ZDHHC14: variants seen among roughly 807,000 people sequenced by gnomAD.
The protein encoded by ZDHHC14 is zDHHC palmitoyltransferase 14, also known as palmitoyltransferase ZDHHC14.
Under a neutral mutation model 47.7 loss-of-function variants are expected in ZDHHC14, and 16 were observed. The ratio of observed to expected loss-of-function variants is 0.34; its 90% CI spans 0.23 to 0.51. The LOEUF (loss-of-function observed/expected upper bound fraction) is 0.51, where lower values mean the gene tolerates loss of function less well. ZDHHC14 is among the 20% of genes least tolerant of loss of function. The pLI, the probability that ZDHHC14 is intolerant of heterozygous loss-of-function variation, is 0.97. For missense variants in ZDHHC14, 515 were observed against 662.5 expected (o/e 0.78, Z 2.44); for synonymous variants, 293 against 278.9 (o/e 1.05, Z -0.50).
At chr6:157,654,740 C>CT (rs11376227) in intron 8 of ZDHHC14, among the ~76,000 whole-genome samples, 35,191 of 145,748 alleles carry the variant, frequency 0.24, 5,193 homozygotes, top group East Asian at 0.54. Flanking sequence ...TTTTCTCTCT[C>CT]TTTTTTTTTT....
chr6:157,646,311 A>T (rs1777550846), intron 6 of ZDHHC14: 1 of 152,518 alleles, frequency 6.6e-6, no homozygotes, highest in Non-Finnish European at 1.5e-5. Flanking sequence ...ATGGAGAGGA[A>T]GTATGAAAAT....
chr6:157,556,652 A>G lies in ZDHHC14; in HGVS notation c.406+13907A>G, dbSNP rs183757913. Among the ~76,000 whole-genome samples, 121 of 152,356 alleles carry G rather than the reference A, an allele frequency of 7.9e-4. 2 individuals carry two copies. Among genetic ancestry groups the G allele is most frequent in the African/African-American group, 2.8e-3 (116 of 41,584 alleles). ...ATTGACAGCACAGTCAGGAGCACGT[A>G]CAGAGTGAGACTGAACAAGAAAGCC... On this transcript the variant is annotated intron_variant, in intron 2 of 8. Transcript: ENST00000359775.
At position 157,586,488 on chromosome 6, in the gene ZDHHC14, A is replaced by T. The variant is rs1783701695; in HGVS notation, c.407-6500A>T. 6.6e-6 allele frequency among the ~76,000 whole-genome samples: 1 copy of T among 152,192 alleles called. No homozygotes were observed. The highest frequency in any genetic ancestry group is 2.1e-4 in the South Asian group (1 of 4,828). On this transcript the variant is annotated intron_variant, in intron 2 of 8. Coordinates refer to ENST00000359775, the MANE Select transcript of ZDHHC14 (RefSeq NM_024630.3). This position sits in a 1 kb window ranked among gnomAD's most constrained non-coding sequence, Gnocchi z 4.6. Reference sequence around the variant, plus strand: ...GCATAGGCTCCATGGAAGATCGTGCAAGGAGAGAGAAGGTTCATGGATTGT... The same window carrying T: ...GCATAGGCTCCATGGAAGATCGTGCTAGGAGAGAGAAGGTTCATGGATTGT...
intron 3 of ZDHHC14, among the ~76,000 whole-genome samples, chr6:157,620,362 A>G (rs189902250): frequency 6.9e-4 from 105 of 152,238 alleles, no homozygotes; most frequent in African/African-American, 2.5e-3. Context: ...ATTACCTCTC[A>G]ATTACCATAG....
chr6:157,659,699 C>T (rs1271257129), intron 8 of ZDHHC14, among the ~76,000 whole-genome samples: 2 of 152,250 alleles, frequency 1.3e-5, no homozygotes, highest in Non-Finnish European at 2.9e-5. Flanking sequence ...CCCTCTGCGC[C>T]TTGGAAAGCC....
chr6:157,632,781 C>G, intron 4 of ZDHHC14, 53 bp from the exon 5 acceptor site: 1 of 1,547,734 alleles, frequency 6.5e-7, no homozygotes, highest in Admixed American at 1.7e-5. Context: ...AGAGAGCATT[C>G]AGCATGAAGG....
chr6:157,661,376 A>G (rs1778337059), intron 8 of ZDHHC14, among the ~76,000 whole-genome samples: 1 of 152,188 alleles, frequency 6.6e-6, no homozygotes, highest in South Asian at 2.1e-4. Context: ...TACTAATCCA[A>G]TTTCATCTTA....
chr6:157,612,700 C>G (rs947970804), intron 3 of ZDHHC14, among the ~76,000 whole-genome samples: 2 of 152,166 alleles, frequency 1.3e-5, no homozygotes, highest in African/African-American at 4.8e-5. Flanking sequence ...TACTGTATTC[C>G]CAGCAGCCAA....
chr6:157,478,808 A>G (rs1365505132), intron 1 of ZDHHC14, among the ~76,000 whole-genome samples: 1 of 152,226 alleles, frequency 6.6e-6, no homozygotes, highest in East Asian at 1.9e-4. Flanking sequence ...TATTTAATAA[A>G]TGTCATAGAA....
chr6:157,608,024 T>G (rs540443400), intron 3 of ZDHHC14, among the ~76,000 whole-genome samples: 1 of 152,356 alleles, frequency 6.6e-6, no homozygotes, highest in Admixed American at 6.5e-5. Flanking sequence ...CTACCTGGTT[T>G]GTGCCTGAAA....
intron 1 of ZDHHC14, among the ~76,000 whole-genome samples, chr6:157,411,302 C>T (rs1190762470): frequency 6.6e-6 from 1 of 152,116 alleles, no homozygotes; most frequent in Non-Finnish European, 1.5e-5. Flanking sequence ...AGATGGAGAA[C>T]AGACAAATGG....
In ZDHHC14 at chr6:157,672,718, C is replaced by T; in HGVS notation, c.1069-6C>T. On this transcript the variant is annotated splice_region_variant and splice_polypyrimidine_tract_variant and intron_variant, in intron 8 of 8. Coordinates refer to ENST00000359775, the MANE Select transcript of ZDHHC14 (RefSeq NM_024630.3). ...CTTCTCTTTGCTGGCGCCTCCCGCT[C>T]TCCAGTGCGACCAAGACCAGTGCAT... 4 of 1,610,440 alleles carry T rather than the reference C, an allele frequency of 2.5e-6. No individual in the cohort carries two copies. Among genetic ancestry groups the T allele is most frequent in the Non-Finnish European group, 3.4e-6 (4 of 1,179,284 alleles).
At chr6:157,652,008 G>T (rs567662926) in intron 7 of ZDHHC14, among the ~76,000 whole-genome samples, 4 of 152,324 alleles carry the variant, frequency 2.6e-5, no homozygotes, top group Admixed American at 1.3e-4. Flanking sequence ...AGCCTTCTCT[G>T]CTCTTTTCCC....
At chr6:157,419,683 T>A (rs1210353878) in intron 1 of ZDHHC14, among the ~76,000 whole-genome samples, 3 of 152,260 alleles carry the variant, frequency 2.0e-5, no homozygotes, top group African/African-American at 7.2e-5. Flanking sequence ...TGTATGGATA[T>A]ACCACCATTT....
chr6:157,542,475 T>C, intron 1 of ZDHHC14, 110 bp from the exon 2 acceptor site: 1 of 1,402,238 alleles, frequency 7.1e-7, no homozygotes, highest in Non-Finnish European at 9.6e-7. Context: ...ATTTCTCTCC[T>C]CCAAATAAGC....
At chr6:157,447,029 GA>G (rs758489378) in intron 1 of ZDHHC14, among the ~76,000 whole-genome samples, 1 of 151,994 alleles carries the variant, frequency 6.6e-6, no homozygotes, top group Non-Finnish European at 1.5e-5. Context: ...TGAGGCAGGA[GA>G]ATCGCTTGAA....
At chr6:157,578,767 T>A (rs1268902832) in intron 2 of ZDHHC14, among the ~76,000 whole-genome samples, 1 of 152,358 alleles carries the variant, frequency 6.6e-6, no homozygotes, top group East Asian at 1.9e-4. Context: ...CCTGCTGCCC[T>A]GTGAAGAAGG....
At chr6:157,655,465 C>G (rs1583082217) in intron 8 of ZDHHC14, among the ~76,000 whole-genome samples, 2 of 152,240 alleles carry the variant, frequency 1.3e-5, no homozygotes, top group East Asian at 3.8e-4. Flanking sequence ...CATTAAAGAC[C>G]AGATCTGTGC....
chr6:157,455,804 C>G (rs910082203), intron 1 of ZDHHC14, among the ~76,000 whole-genome samples: 7 of 152,206 alleles, frequency 4.6e-5, no homozygotes, highest in Non-Finnish European at 1.0e-4. Flanking sequence ...ACAGCATTTT[C>G]TCTCAGATAA....
Sources: gnomAD v4.1 joint callset for allele counts (sites outside exome capture counted in the v4.1 genomes callset) on GRCh38, gnomAD v4.1.1 for gene constraint, Gnocchi (gnomAD v3.1) non-coding constraint, MANE v1.5 for transcripts, NCBI Gene and HGNC (gene_info 2026-07-23, HGNC 2026-07-21) for gene names.